Variants in AFG2A observed in about 807,000 individuals in gnomAD.
AFG2A encodes the protein AAA ATPase AFG2A.
the AFG2A span, among the ~76,000 whole-genome samples, chr4:123,164,418 C>CA: frequency 6.6e-6 from 1 of 152,268 alleles, no homozygotes; most frequent in East Asian, 1.9e-4. Flanking sequence ...GGCTGGAGTG[C>CA]AGTGACACGA....
At chr4:123,118,722 C>T in the AFG2A span, among the ~76,000 whole-genome samples, 1 of 151,820 alleles carries the variant, frequency 6.6e-6, no homozygotes, top group Non-Finnish European at 1.5e-5. Context: ...ATCGTATTTC[C>T]TTTTATGGTG....
At chr4:122,984,220 A>G in the AFG2A span, among the ~76,000 whole-genome samples, 1 of 152,024 alleles carries the variant, frequency 6.6e-6, no homozygotes, top group African/African-American at 2.4e-5. Flanking sequence ...CAGCTATTGT[A>G]AAAGGGTTGA....
chr4:123,066,930 G>T, the AFG2A span, among the ~76,000 whole-genome samples: 1 of 152,072 alleles, frequency 6.6e-6, no homozygotes, highest in Non-Finnish European at 1.5e-5. Context: ...TTTGTGTTTT[G>T]TCTATAAGTT....
the AFG2A span, among the ~76,000 whole-genome samples, chr4:123,003,656 C>T: frequency 6.6e-6 from 1 of 152,004 alleles, no homozygotes; most frequent in East Asian, 1.9e-4. Context: ...GTCTGATCAT[C>T]CCTCTGGAAG....
chr4:122,979,936 A>G, the AFG2A span, among the ~76,000 whole-genome samples: 2 of 152,134 alleles, frequency 1.3e-5, no homozygotes, highest in Admixed American at 6.5e-5. Context: ...CTATATTACA[A>G]TACTAAAACC....
the AFG2A span, among the ~76,000 whole-genome samples, chr4:123,025,174 C>T: frequency 6.6e-6 from 1 of 152,246 alleles, no homozygotes; most frequent in African/African-American, 2.4e-5. Flanking sequence ...ACAGCTGCCC[C>T]TCAAGTTGGA....
chr4:122,993,526 G>A, the AFG2A span, among the ~76,000 whole-genome samples: 5 of 151,950 alleles, frequency 3.3e-5, no homozygotes, highest in Non-Finnish European at 7.4e-5. Flanking sequence ...AGATATTTGT[G>A]TGTAAATCTT....
the AFG2A span, among the ~76,000 whole-genome samples, chr4:123,124,672 G>C: frequency 1.1e-4 from 17 of 151,960 alleles, no homozygotes; most frequent in Non-Finnish European, 2.5e-4. Context: ...GTTCTTATTG[G>C]ACCACTGCAT....
At chr4:123,285,461 T>G in the AFG2A span, among the ~76,000 whole-genome samples, 2 of 152,088 alleles carry the variant, frequency 1.3e-5, no homozygotes, top group African/African-American at 4.8e-5. Context: ...AGAGCACAGT[T>G]TGAAAATCAC....
chr4:123,161,259 A>C, the AFG2A span, among the ~76,000 whole-genome samples: 1 of 152,202 alleles, frequency 6.6e-6, no homozygotes, highest in Non-Finnish European at 1.5e-5. Flanking sequence ...ATATTGGCTT[A>C]ATAAGATATT....
the AFG2A span, among the ~76,000 whole-genome samples, chr4:123,205,729 T>C: frequency 6.6e-6 from 1 of 152,164 alleles, no homozygotes; most frequent in Admixed American, 6.5e-5. Flanking sequence ...AAGACAACTG[T>C]ATATACTTTG....
the AFG2A span, among the ~76,000 whole-genome samples, chr4:123,182,326 C>T: frequency 6.6e-6 from 1 of 152,144 alleles, no homozygotes; most frequent in Non-Finnish European, 1.5e-5. Context: ...GGCAAATAGA[C>T]ACTCAGTGGC....
chr4:123,135,662 A>G, the AFG2A span, among the ~76,000 whole-genome samples: 49 of 152,334 alleles, frequency 3.2e-4, no homozygotes, highest in Middle Eastern at 0.01. Flanking sequence ...TTTACATAGC[A>G]TTTACATGTA....
the AFG2A span, among the ~76,000 whole-genome samples, chr4:123,202,559 A>G: frequency 1.3e-5 from 2 of 152,330 alleles, no homozygotes; most frequent in East Asian, 1.9e-4. Context: ...GTGATATCTT[A>G]TATCTGTAGA....
the AFG2A span, among the ~76,000 whole-genome samples, chr4:123,255,242 C>T: frequency 2.6e-5 from 4 of 152,120 alleles, no homozygotes; most frequent in East Asian, 5.8e-4. Context: ...TGGGATTGGC[C>T]GGGCACCGTG....
the AFG2A span, among the ~76,000 whole-genome samples, chr4:123,174,186 T>C: frequency 1.3e-5 from 2 of 152,214 alleles, no homozygotes; most frequent in African/African-American, 4.8e-5. Flanking sequence ...GTAGTTTTGT[T>C]TTTCCAGATT....
chr4:123,218,213 G>A, the AFG2A span, among the ~76,000 whole-genome samples: 3 of 152,116 alleles, frequency 2.0e-5, no homozygotes, highest in African/African-American at 7.2e-5. Context: ...TTATGCAACT[G>A]GAGAAATGAA....
chr4:122,931,325 CTTG>C, the AFG2A span, among the ~76,000 whole-genome samples: 1 of 151,952 alleles, frequency 6.6e-6, no homozygotes, highest in Admixed American at 6.6e-5. Flanking sequence ...GTATTTCTCT[CTTG>C]TTCTCTCTTT....
chr4:123,170,714 T>C, the AFG2A span, among the ~76,000 whole-genome samples: 1 of 152,182 alleles, frequency 6.6e-6, no homozygotes, highest in African/African-American at 2.4e-5. Flanking sequence ...GGCAAACAGC[T>C]TTTTTCCCCA....
Sources: gnomAD v4.1 joint callset for allele counts (sites outside exome capture counted in the v4.1 genomes callset) on GRCh38, gnomAD v4.1.1 for gene constraint, MANE v1.5 for transcripts, NCBI Gene and HGNC (gene_info 2026-07-23, HGNC 2026-07-21) for gene names.